The following GRIP1 variants were observed in gnomAD, a reference collection of about 807,000 sequenced individuals.
GRIP1 encodes glutamate receptor interacting protein 1, also known as glutamate receptor-interacting protein 1.
GRIP1 carries 45 observed loss-of-function variants against 129.9 expected under a neutral mutation model. The observed-to-expected ratio is 0.35, with a 90% CI of 0.27 to 0.44. GRIP1 has a LOEUF of 0.44. GRIP1 is among the 20% of genes least tolerant of loss of function. The pLI is 1.00. For synonymous variants in GRIP1, 530 were observed against 520.8 expected, an observed-to-expected ratio of 1.02 and a Z score of -0.24; for missense variants, 1,196 against 1,396.8, an observed-to-expected ratio of 0.86 and a Z score of 2.29.
intron 2 of GRIP1, among the ~76,000 whole-genome samples, chr12:66,549,766 AG>A (rs2062063746): frequency 6.6e-6 from 1 of 152,190 alleles, no homozygotes; most frequent in African/African-American, 2.4e-5. Flanking sequence ...GATCAGTGGC[AG>A]GGATGTACAG....
chr12:67,029,578 C>CAAA (rs10563216), intron 1 of GRIP1, among the ~76,000 whole-genome samples: 1 of 88,472 alleles, frequency 1.1e-5, no homozygotes, highest in Non-Finnish European at 2.4e-5. Context: ...GACCCTGACT[C>CAAA]AAAAAAAAAA....
chr12:67,017,691 T>C (rs2042808467), intron 1 of GRIP1, among the ~76,000 whole-genome samples: 1 of 151,758 alleles, frequency 6.6e-6, no homozygotes, highest in South Asian at 2.1e-4. Context: ...GGTCTAGCCC[T>C]TAAGAGGCTA....
chr12:66,429,652 T>C (rs1461758935), intron 14 of GRIP1, among the ~76,000 whole-genome samples: 1 of 152,058 alleles, frequency 6.6e-6, no homozygotes, highest in Non-Finnish European at 1.5e-5. Context: ...GCCCTAATAG[T>C]GCCGCTGCAC....
intron 4 of GRIP1, among the ~76,000 whole-genome samples, chr12:66,536,946 T>C (rs1487699707): frequency 6.6e-6 from 1 of 152,052 alleles, no homozygotes; most frequent in African/African-American, 2.4e-5. Flanking sequence ...TAGCTAATAA[T>C]AGGAGAGGTG....
intron 23 of GRIP1, among the ~76,000 whole-genome samples, chr12:66,363,105 C>T (rs1442987580): frequency 2.0e-5 from 3 of 147,498 alleles, no homozygotes; most frequent in African/African-American, 7.6e-5. Flanking sequence ...ATATATATAT[C>T]CTACTAACTT....
intron 2 of GRIP1, among the ~76,000 whole-genome samples, chr12:66,595,636 C>A (rs1014211269): frequency 1.3e-5 from 2 of 152,170 alleles, no homozygotes; most frequent in African/African-American, 2.4e-5. Flanking sequence ...CTAAATGCGA[C>A]CAGCATGAAG....
intron 16 of GRIP1, among the ~76,000 whole-genome samples, chr12:66,396,261 G>A (rs1041973627): frequency 1.3e-5 from 2 of 152,202 alleles, no homozygotes; most frequent in Non-Finnish European, 2.9e-5. Flanking sequence ...AGCATTTTGG[G>A]TTGGAGCATC....
intron 7 of GRIP1, among the ~76,000 whole-genome samples, chr12:66,492,318 G>C (rs1026647552): frequency 6.6e-6 from 1 of 151,982 alleles, no homozygotes; most frequent in Admixed American, 6.6e-5. Context: ...ATTTCTGACC[G>C]ACCTCCTTGG....
intron 8 of GRIP1, 92 bp from the exon 9 acceptor site, chr12:66,463,185 T>G (rs2059185804): frequency 8.9e-7 from 1 of 1,117,564 alleles, no homozygotes; most frequent in Admixed American, 1.9e-5. Flanking sequence ...TCACAGTTTT[T>G]CATTTACTTA....
intron 1 of GRIP1, among the ~76,000 whole-genome samples, chr12:67,057,012 T>C (rs1162841663): frequency 1.3e-5 from 2 of 152,064 alleles, no homozygotes; most frequent in Non-Finnish European, 2.9e-5. Flanking sequence ...GGTTTCACCA[T>C]TGTTGGTCAG....
chr12:66,788,673 G>C (rs1032488409), intron 1 of GRIP1, among the ~76,000 whole-genome samples: 13 of 152,042 alleles, frequency 8.6e-5, no homozygotes, highest in African/African-American at 2.7e-4. Context: ...GCATTTGCCG[G>C]GAGAAAAAGC....
intron 1 of GRIP1, among the ~76,000 whole-genome samples, chr12:66,714,499 A>C (rs1275358668): frequency 6.6e-6 from 1 of 152,050 alleles, no homozygotes; most frequent in Non-Finnish European, 1.5e-5. Context: ...ATTTAAAATA[A>C]ATACATTGCA....
At chr12:66,839,451 CTG>C (rs1183936200) in intron 1 of GRIP1, among the ~76,000 whole-genome samples, 1 of 152,128 alleles carries the variant, frequency 6.6e-6, no homozygotes, top group Non-Finnish European at 1.5e-5. Flanking sequence ...CAGTATTCAT[CTG>C]TGAGTTTATT....
chr12:66,556,292 GA>G (rs991437314), intron 2 of GRIP1, among the ~76,000 whole-genome samples: 8 of 151,852 alleles, frequency 5.3e-5, no homozygotes, highest in South Asian at 2.1e-4. Context: ...AGTACTGAAA[GA>G]AAAAAAACTT....
At chr12:66,580,973 C>T (rs2063352691) in intron 2 of GRIP1, among the ~76,000 whole-genome samples, 1 of 152,148 alleles carries the variant, frequency 6.6e-6, no homozygotes, top group Admixed American at 6.5e-5. Flanking sequence ...CAGCACCACA[C>T]CACAGCTATT....
At chr12:66,906,988 T>C (rs75127360) in intron 1 of GRIP1, among the ~76,000 whole-genome samples, 2,062 of 152,310 alleles carry the variant, frequency 0.014, 53 homozygotes, top group African/African-American at 0.047. Context: ...TACAATACTA[T>C]TAACTAAACT....
chr12:66,528,283 T>C (rs1296333581), intron 5 of GRIP1, among the ~76,000 whole-genome samples: 1 of 151,828 alleles, frequency 6.6e-6, no homozygotes, highest in African/African-American at 2.4e-5. Flanking sequence ...TACAGGCGCC[T>C]GCCACCACGC....
In GRIP1 at chr12:66,392,453, A is replaced by T; in HGVS notation, c.2319T>A (p.Ser773Arg). ...PKKFPISSHLSDLGDVEEDSS... is the reference protein window; with the variant it reads ...PKKFPISSHLRDLGDVEEDSS... ...AGTCCTCCTCCACATCCCCCAGGTCACTCAAATGGCTAGAAATAGGGAACT... is the reference window on the plus strand; with the variant it reads ...AGTCCTCCTCCACATCCCCCAGGTCTCTCAAATGGCTAGAAATAGGGAACT... The change falls in exon 19 of 25, where the codon AGT (serine) becomes AGA (arginine). Residue 773 changes from serine (S) to arginine (R), a missense_variant. Transcript: ENST00000359742. The T allele has an allele frequency of 6.2e-7, 1 of 1,614,078 alleles. No individual in the cohort carries two copies. The highest frequency in any genetic ancestry group is 2.2e-5 in the East Asian group (1 of 44,880).
rs2063491508 is a variant in GRIP1, at chr12:66,583,565, AAAAC to A, written c.136+13278_136+13281del. Among the ~76,000 whole-genome samples the A allele has an allele frequency of 2.9e-5, 4 of 136,350 alleles. No homozygotes were observed. In the East Asian group the frequency reaches 8.5e-4, roughly 29 times the overall value. The allele number at this position is 136,350 out of a possible 152,430, so 89.5% of individuals were successfully genotyped here. On this transcript the variant is annotated intron_variant, in intron 2 of 24. Transcript: ENST00000359742. The stretch of plus-strand genomic sequence containing the variant: ...TGAACTCAAACCAATTTACAAGAAA[AAAAC>A]AAACAACCCCATCAAAAAGTGGGCG...
Sources: allele counts gnomAD v4.1 joint callset (sites outside exome capture counted in the v4.1 genomes callset), GRCh38; gene constraint gnomAD v4.1.1; transcripts MANE v1.5; gene names NCBI Gene and HGNC (gene_info 2026-07-23, HGNC 2026-07-21).